Variants in DCDC2 observed in about 807,000 individuals in gnomAD.
The protein encoded by DCDC2 is doublecortin domain-containing protein 2.
A neutral mutation model predicts 50.2 loss-of-function variants in DCDC2; 40 were observed. The ratio of observed to expected loss-of-function variants is 0.80; its 90% CI spans 0.62 to 1.04. The LOEUF is 1.04. Among genes scored for constraint, DCDC2 ranks in the 50% least tolerant of loss-of-function variants. The probability of loss-of-function intolerance (pLI) is 0.00; values close to 1 mark genes in which losing one functional copy is unlikely to be tolerated. For synonymous variants in DCDC2, 234 were observed against 210.6 expected, an observed-to-expected ratio of 1.11 and a Z score of -0.96; for missense variants, 570 against 581.9, an observed-to-expected ratio of 0.98 and a Z score of 0.21.
At chr6:24,221,233 T>C (rs976238531) in intron 7 of DCDC2, among the ~76,000 whole-genome samples, 36 of 152,060 alleles carry the variant, frequency 2.4e-4, no homozygotes, top group Admixed American at 2.2e-3. Context: ...CTGCCCAACT[T>C]CTAAGACCGT....
chr6:24,324,459 T>C (rs77600992), intron 2 of DCDC2, among the ~76,000 whole-genome samples: 3,285 of 152,340 alleles, frequency 0.022, 47 homozygotes, highest in Middle Eastern at 0.048. Context: ...TTGTTTATGA[T>C]ACTGAGTGTG....
intron 8 of DCDC2, among the ~76,000 whole-genome samples, chr6:24,193,545 A>G (rs1034044608): frequency 6.6e-6 from 1 of 152,182 alleles, no homozygotes; most frequent in African/African-American, 2.4e-5. Flanking sequence ...GGTACATATA[A>G]AACAAAGCAA....
At chr6:24,247,465 G>C (rs368115513) in intron 7 of DCDC2, among the ~76,000 whole-genome samples, 10 of 152,094 alleles carry the variant, frequency 6.6e-5, no homozygotes, top group African/African-American at 2.4e-4. Flanking sequence ...GTATTGGGAG[G>C]GTAAGGAACA....
intron 7 of DCDC2, among the ~76,000 whole-genome samples, chr6:24,253,052 G>A (rs1285310058): frequency 1.3e-5 from 2 of 152,006 alleles, no homozygotes; most frequent in Non-Finnish European, 2.9e-5. Context: ...GTGATAAGAG[G>A]GAAATTCGTG....
intron 8 of DCDC2, among the ~76,000 whole-genome samples, chr6:24,188,355 T>G (rs1214490003): frequency 1.4e-5 from 2 of 147,436 alleles, no homozygotes; most frequent in African/African-American, 4.9e-5. Flanking sequence ...GGTGTTTTTA[T>G]CTTAAAAGTT....
intron 2 of DCDC2, among the ~76,000 whole-genome samples, chr6:24,340,061 T>C (rs1260562101): frequency 6.6e-6 from 1 of 152,170 alleles, no homozygotes; most frequent in Non-Finnish European, 1.5e-5. Context: ...GACAATCACA[T>C]TGCTTGGATT....
At chr6:24,191,198 G>T (rs139524897) in intron 8 of DCDC2, among the ~76,000 whole-genome samples, 2 of 152,048 alleles carry the variant, frequency 1.3e-5, no homozygotes, top group South Asian at 4.1e-4. Context: ...TTATCTTTCC[G>T]CATATTTTAT....
In DCDC2 at chr6:24,288,856, C is replaced by T. The variant is rs1190155886; in HGVS notation, c.755G>A (p.Gly252Glu). ...AGGAAAGCATCTGATACTTACACTC[C>T]CTTTAGACTTTCTGGATCCTACAAT... Reference protein sequence around the residue: ...PPIVGSRKSKGSGNDRHSKST... With the variant: ...PPIVGSRKSKESGNDRHSKST... Residue 252 changes from glycine to glutamate, a missense_variant, in exon 6 of 10, where the codon GGG becomes GAG. Transcript: ENST00000378454. The T allele has an allele frequency of 6.8e-6, 11 of 1,611,214 alleles. No individual in the cohort carries two copies. In the Middle Eastern group the frequency reaches 5.0e-4, roughly 73 times the overall value.
intron 7 of DCDC2, among the ~76,000 whole-genome samples, chr6:24,213,295 C>T (rs1031896699): frequency 6.6e-6 from 1 of 152,174 alleles, no homozygotes. Flanking sequence ...AGCTCTTTTA[C>T]TACGATTTAT....
chr6:24,220,972 T>C (rs1762107421), intron 7 of DCDC2, among the ~76,000 whole-genome samples: 1 of 41,552 alleles, frequency 2.4e-5, no homozygotes, highest in Middle Eastern at 0.01. Context: ...AAGATCTCAT[T>C]AGAACTCCCT....
intron 7 of DCDC2, among the ~76,000 whole-genome samples, chr6:24,251,070 T>C (rs759160367): frequency 2.0e-5 from 3 of 152,196 alleles, no homozygotes; most frequent in South Asian, 2.1e-4. Context: ...TATTAAAATT[T>C]GTAAATTGTT....
chr6:24,253,815 A>G (rs1376666238), intron 7 of DCDC2, among the ~76,000 whole-genome samples: 1 of 152,214 alleles, frequency 6.6e-6, no homozygotes, highest in Non-Finnish European at 1.5e-5. Flanking sequence ...GTGAAGTCCT[A>G]GGACATTACT....
the DCDC2 span, among the ~76,000 whole-genome samples, chr6:24,381,783 G>T: frequency 8.4e-6 from 1 of 119,124 alleles, no homozygotes; most frequent in Non-Finnish European, 1.7e-5. Context: ...CATCACTATT[G>T]GAAAAGAAAG....
intron 6 of DCDC2, among the ~76,000 whole-genome samples, chr6:24,286,063 T>C (rs138680283): frequency 0.014 from 2,189 of 152,328 alleles, 75 homozygotes; most frequent in Non-Finnish European, 0.011. Flanking sequence ...GATATTGTTT[T>C]CACCTCCTGA....
intron 2 of DCDC2, among the ~76,000 whole-genome samples, chr6:24,328,024 T>C (rs2075790732): frequency 6.6e-6 from 1 of 152,144 alleles, no homozygotes; most frequent in South Asian, 2.1e-4. Context: ...TGGATGAAAA[T>C]ACAGACACTT....
At chr6:24,237,180 A>G (rs1762461930) in intron 7 of DCDC2, among the ~76,000 whole-genome samples, 1 of 104,844 alleles carries the variant, frequency 9.5e-6, no homozygotes, top group Non-Finnish European at 1.8e-5. Flanking sequence ...GGCTATCATG[A>G]AAAGGTAAAA....
chr6:24,279,192 G>A (rs916924398), intron 6 of DCDC2, among the ~76,000 whole-genome samples: 3 of 152,194 alleles, frequency 2.0e-5, no homozygotes, highest in African/African-American at 7.2e-5. Flanking sequence ...TGCTGATACT[G>A]AGCCACTGCT....
At chr6:24,200,591 C>G (rs1414712783) in intron 8 of DCDC2, among the ~76,000 whole-genome samples, 1 of 152,110 alleles carries the variant, frequency 6.6e-6, no homozygotes, top group African/African-American at 2.4e-5. Flanking sequence ...TAAGAAGAAA[C>G]TAACGGGCAA....
chr6:24,205,395 A>G, intron 7 of DCDC2: 1 of 1,379,010 alleles, frequency 7.3e-7, no homozygotes, highest in South Asian at 1.6e-5. Flanking sequence ...TTGTACAGGC[A>G]TTGAGATGAG....
Sources: allele counts gnomAD v4.1 joint callset (sites outside exome capture counted in the v4.1 genomes callset), GRCh38; gene constraint gnomAD v4.1.1; transcripts MANE v1.5; gene names NCBI Gene and HGNC (gene_info 2026-07-23, HGNC 2026-07-21).